Variants in KSR2 observed in about 807,000 individuals in gnomAD.
The protein encoded by KSR2 is kinase suppressor of ras 2.
KSR2 carries 25 observed loss-of-function variants against 107.8 expected under a neutral mutation model. That is an observed-to-expected ratio of 0.23 (90% CI 0.17 to 0.32). The LOEUF (loss-of-function observed/expected upper bound fraction) is 0.32. Ranked by LOEUF, KSR2 falls within the 10% of genes least tolerant of loss-of-function variation. The pLI is 1.00. For missense variants in KSR2, 887 were observed against 1,268.9 expected (o/e 0.70, Z 4.57); for synonymous variants, 480 against 507.0 (o/e 0.95, Z 0.71).
rs59190974 is a variant in KSR2, at chr12:117,537,821, G to C, written c.1687+1898C>G. Among the ~76,000 whole-genome samples, 1,384 of 152,324 alleles carry C rather than the reference G, an allele frequency of 9.1e-3. 28 individuals carry two copies. Among genetic ancestry groups the C allele is most frequent in the African/African-American group, 0.031 (1,280 of 41,574 alleles). On this transcript the variant is annotated intron_variant, in intron 10 of 19. Coordinates refer to ENST00000339824, the MANE Select transcript of KSR2 (RefSeq NM_173598.6). ...GCACCCCTTCTTGAAGACTCTGGCT[G>C]AGGGAAGGAAGGAGCTAAGGGACAC... is the stretch of plus-strand genomic sequence containing the variant.
chr12:117,906,172 A>G (rs1013426152), intron 1 of KSR2, among the ~76,000 whole-genome samples: 1 of 151,746 alleles, frequency 6.6e-6, no homozygotes, highest in South Asian at 2.1e-4. Context: ...CTGACATGGC[A>G]AAACCCCATC....
intron 7 of KSR2, among the ~76,000 whole-genome samples, chr12:117,574,373 C>T (rs571111299): frequency 6.6e-6 from 1 of 152,182 alleles, no homozygotes; most frequent in East Asian, 1.9e-4. Flanking sequence ...TGCTTTCATG[C>T]TGCCGATAAA....
intron 3 of KSR2, among the ~76,000 whole-genome samples, chr12:117,779,344 C>T (rs1385413048): frequency 1.3e-5 from 2 of 152,288 alleles, no homozygotes; most frequent in East Asian, 3.9e-4. Flanking sequence ...GGCCAGTGAG[C>T]TGGGTTTGAA....
At chr12:117,559,214 C>A (rs1877939043) in intron 7 of KSR2, among the ~76,000 whole-genome samples, 1 of 152,088 alleles carries the variant, frequency 6.6e-6, no homozygotes, top group African/African-American at 2.4e-5. Flanking sequence ...CTCAGCAAAC[C>A]AGGAAATTAT....
intron 5 of KSR2, among the ~76,000 whole-genome samples, chr12:117,657,546 G>C (rs1017507099): frequency 1.2e-4 from 18 of 152,222 alleles, no homozygotes; most frequent in Admixed American, 9.2e-4. Flanking sequence ...AAATGGTTTC[G>C]GGGGCAGTTT....
At chr12:117,938,560 TAATA>T (rs80030527) in intron 1 of KSR2, among the ~76,000 whole-genome samples, 73,899 of 147,450 alleles carry the variant, frequency 0.5, 18,597 homozygotes, top group Middle Eastern at 0.57. Flanking sequence ...AGTATAATAA[TAATA>T]AATAAATAAA....
At chr12:117,878,582 C>G (rs1893939176) in intron 1 of KSR2, among the ~76,000 whole-genome samples, 1 of 152,124 alleles carries the variant, frequency 6.6e-6, no homozygotes, top group African/African-American at 2.4e-5. Context: ...CCCTGCACTG[C>G]TGGGGGTACT....
chr12:117,639,852 C>T (rs530635681), intron 5 of KSR2, among the ~76,000 whole-genome samples: 33 of 152,042 alleles, frequency 2.2e-4, no homozygotes, highest in African/African-American at 6.5e-4. Context: ...GGAGCTTCAC[C>T]GCAGCTTCTG....
intron 4 of KSR2, among the ~76,000 whole-genome samples, chr12:117,754,170 C>T (rs1364369790): frequency 2.6e-5 from 4 of 152,194 alleles, no homozygotes; most frequent in African/African-American, 7.2e-5. Flanking sequence ...GACAGCAAAT[C>T]TCCCAGTGGA....
At chr12:117,757,958 C>T (rs1317617148) in intron 4 of KSR2, among the ~76,000 whole-genome samples, 1 of 152,134 alleles carries the variant, frequency 6.6e-6, no homozygotes, top group Non-Finnish European at 1.5e-5. Flanking sequence ...TACAAAACAA[C>T]ACTAAAACGC....
At position 117,675,757 on chromosome 12, in the gene KSR2, T is replaced by C. The variant is rs566504737; in HGVS notation, c.987-8099A>G. On this transcript the variant is annotated intron_variant, in intron 4 of 19. Coordinates refer to ENST00000339824, the MANE Select transcript of KSR2 (RefSeq NM_173598.6). ...AGAAGCCTTTACCCGGCCAAATCCCTCAGCATCTCATTAACTGTGTCTGGA... is the reference window on the plus strand; with the variant it reads ...AGAAGCCTTTACCCGGCCAAATCCCCCAGCATCTCATTAACTGTGTCTGGA... Among the ~76,000 whole-genome samples, 6 of 152,246 alleles carry C rather than the reference T, an allele frequency of 3.9e-5. No homozygotes were observed. In the East Asian group the frequency reaches 9.7e-4, roughly 25 times the overall value.
intron 9 of KSR2, among the ~76,000 whole-genome samples, chr12:117,545,170 T>C (rs1193327060): frequency 6.6e-6 from 1 of 152,200 alleles, no homozygotes; most frequent in Non-Finnish European, 1.5e-5. Context: ...ATCCCTGGAA[T>C]AAACTCTACT....
At chr12:117,912,633 A>C (rs571880849) in intron 1 of KSR2, among the ~76,000 whole-genome samples, 1 of 152,324 alleles carries the variant, frequency 6.6e-6, no homozygotes, top group African/African-American at 2.4e-5. Context: ...CTCAATACCA[A>C]AAATGTTTCA....
intron 1 of KSR2, among the ~76,000 whole-genome samples, chr12:117,936,533 TTAGTAGTAG>T (rs60536021): frequency 1.2e-3 from 140 of 119,668 alleles, no homozygotes; most frequent in East Asian, 7.9e-3. Context: ...ATTATTATTA[TTAGTAGTAG>T]TAGTAGTAGT....
intron 5 of KSR2, among the ~76,000 whole-genome samples, chr12:117,617,712 G>C (rs2136332189): frequency 6.6e-6 from 1 of 152,244 alleles, no homozygotes; most frequent in South Asian, 2.1e-4. Flanking sequence ...GATTGCACAG[G>C]GAATGAGAGA....
chr12:117,830,243 C>T (rs907058198), intron 3 of KSR2, among the ~76,000 whole-genome samples: 6 of 151,074 alleles, frequency 4.0e-5, no homozygotes, highest in African/African-American at 9.8e-5. Context: ...TACTCCAGCC[C>T]GGGAAACAGA....
chr12:117,567,328 A>G (rs2936833), intron 7 of KSR2, among the ~76,000 whole-genome samples: 123,652 of 151,988 alleles, frequency 0.81, 50,533 homozygotes, highest in Middle Eastern at 0.83. Flanking sequence ...AGACATGTCA[A>G]TGAGTGGGCA....
chr12:117,669,534 A>G (rs1223340090), intron 4 of KSR2, among the ~76,000 whole-genome samples: 1 of 151,622 alleles, frequency 6.6e-6, no homozygotes, highest in African/African-American at 2.4e-5. Flanking sequence ...TTTTGTATGC[A>G]TCAAATGTTG....
At position 117,671,332 on chromosome 12, in the gene KSR2, TTAGA is replaced by T. The variant is rs375356802; in HGVS notation, c.987-3678_987-3675del. On this transcript the variant is annotated intron_variant, in intron 4 of 19. Coordinates refer to ENST00000339824, the MANE Select transcript of KSR2 (RefSeq NM_173598.6). ...TCTCTCTCTCTCGATTGATTGATCA[TTAGA>T]TAGATAGATAGATAGATAGACAGAC... Among the ~76,000 whole-genome samples the T allele has an allele frequency of 5.5e-4, 84 of 152,186 alleles. No homozygotes were observed. In the South Asian group the frequency reaches 6.7e-3, roughly 12 times the overall value.
Sources: gnomAD v4.1 joint callset for allele counts (sites outside exome capture counted in the v4.1 genomes callset) on GRCh38, gnomAD v4.1.1 for gene constraint, MANE v1.5 for transcripts, NCBI Gene and HGNC (gene_info 2026-07-23, HGNC 2026-07-21) for gene names.